BLTP1: variants seen among roughly 807,000 people sequenced by gnomAD.
BLTP1 encodes bridge-like lipid transfer protein family member 1, also known as fragile site-associated protein.
the BLTP1 span, among the ~76,000 whole-genome samples, chr4:122,252,606 T>C: frequency 1.3e-5 from 2 of 152,184 alleles, no homozygotes; most frequent in Non-Finnish European, 2.9e-5. Context: ...GTCTGTGTCT[T>C]GTGATATGAG....
At chr4:122,267,853 A>G in the BLTP1 span, among the ~76,000 whole-genome samples, 1 of 152,182 alleles carries the variant, frequency 6.6e-6, no homozygotes, top group Non-Finnish European at 1.5e-5. Context: ...AAATAGTAGA[A>G]TATGGAGATA....
chr4:122,246,170 A>G, the BLTP1 span: 69 of 1,589,194 alleles, frequency 4.3e-5, no homozygotes, highest in Middle Eastern at 1.7e-4. Context: ...CAAACAAGAC[A>G]TTAGAGGAAC....
chr4:122,193,590 A>G, the BLTP1 span: 1 of 610,144 alleles, frequency 1.6e-6, no homozygotes, highest in Non-Finnish European at 2.1e-6. Flanking sequence ...AGAAGGGGAC[A>G]TTTACCATTA....
At chr4:122,289,710 AT>A in the BLTP1 span, 2 of 948,914 alleles carry the variant, frequency 2.1e-6, no homozygotes, top group Non-Finnish European at 2.5e-6. Context: ...ACAGTTCTTA[AT>A]GCTGAGTATT....
the BLTP1 span, chr4:122,336,974 C>G: frequency 1.2e-6 from 2 of 1,612,122 alleles, no homozygotes; most frequent in South Asian, 1.1e-5. Flanking sequence ...TCAACATCTG[C>G]TTACTCTTCC....
the BLTP1 span, among the ~76,000 whole-genome samples, chr4:122,252,431 G>T: frequency 6.6e-6 from 1 of 152,114 alleles, no homozygotes; most frequent in East Asian, 1.9e-4. Context: ...TGTCCTGAAG[G>T]GTGAGTTTCA....
At chr4:122,301,157 C>T in the BLTP1 span, 1 of 1,101,270 alleles carries the variant, frequency 9.1e-7, no homozygotes, top group African/African-American at 1.6e-5. Context: ...ATATCTGTCT[C>T]AGTTAAATGT....
At chr4:122,276,442 T>C in the BLTP1 span, 1 of 976,794 alleles carries the variant, frequency 1.0e-6, no homozygotes, top group Admixed American at 6.1e-5. Context: ...CTTATAATTC[T>C]GTATTTAAGA....
At chr4:122,267,341 G>A in the BLTP1 span, among the ~76,000 whole-genome samples, 1 of 152,116 alleles carries the variant, frequency 6.6e-6, no homozygotes, top group Non-Finnish European at 1.5e-5. Flanking sequence ...TTACAGGCGT[G>A]AGCCATCGTG....
the BLTP1 span, chr4:122,219,470 A>T: frequency 6.2e-7 from 1 of 1,614,042 alleles, no homozygotes; most frequent in African/African-American, 1.3e-5. Context: ...AAAAAGGAAA[A>T]TGAAGGTTCA....
chr4:122,198,701 A>G, the BLTP1 span, among the ~76,000 whole-genome samples: 152 of 152,242 alleles, frequency 1.0e-3, no homozygotes, highest in Admixed American at 1.7e-3. Flanking sequence ...GAGGTTAGGT[A>G]GCTTTTAAGA....
chr4:122,261,383 C>G, the BLTP1 span: 1 of 985,134 alleles, frequency 1.0e-6, no homozygotes, highest in African/African-American at 1.7e-5. Context: ...TTAAAGTCCT[C>G]TAAAAATGTG....
chr4:122,204,504 A>C, the BLTP1 span: 10 of 981,656 alleles, frequency 1.0e-5, no homozygotes, highest in Non-Finnish European at 1.2e-5. Context: ...GGGCAGACTT[A>C]TGAGGCTAGG....
chr4:122,248,509 T>A, the BLTP1 span, among the ~76,000 whole-genome samples: 1 of 152,022 alleles, frequency 6.6e-6, no homozygotes, highest in Non-Finnish European at 1.5e-5. Flanking sequence ...GAACTAGGTG[T>A]CTGGTTGTGG....
At chr4:122,297,337 A>C in the BLTP1 span, among the ~76,000 whole-genome samples, 1 of 152,346 alleles carries the variant, frequency 6.6e-6, no homozygotes, top group Non-Finnish European at 1.5e-5. Context: ...AGAAATGCAA[A>C]TCAAAACCAC....
the BLTP1 span, among the ~76,000 whole-genome samples, chr4:122,280,661 C>T: frequency 8.6e-6 from 1 of 115,930 alleles, no homozygotes; most frequent in Admixed American, 9.2e-5. Flanking sequence ...GAAATTCCAT[C>T]TAAAAAAAAA....
At chr4:122,207,393 A>G in the BLTP1 span, 1 of 1,399,202 alleles carries the variant, frequency 7.1e-7, no homozygotes, top group Non-Finnish European at 9.5e-7. Flanking sequence ...TCTTTGTGAG[A>G]CTCTCAGAAG....
the BLTP1 span, among the ~76,000 whole-genome samples, chr4:122,218,511 G>A: frequency 1.3e-5 from 2 of 152,080 alleles, no homozygotes; most frequent in Non-Finnish European, 2.9e-5. Context: ...AAGATATTAT[G>A]TACTGATGTC....
chr4:122,228,005 C>G, the BLTP1 span, among the ~76,000 whole-genome samples: 1 of 151,682 alleles, frequency 6.6e-6, no homozygotes, highest in African/African-American at 2.4e-5. Flanking sequence ...ACTCCGCCTC[C>G]TGGGTTCATG....
Sources: gnomAD v4.1 joint callset for allele counts (sites outside exome capture counted in the v4.1 genomes callset) on GRCh38, gnomAD v4.1.1 for gene constraint, MANE v1.5 for transcripts, NCBI Gene and HGNC (gene_info 2026-07-23, HGNC 2026-07-21) for gene names.